The following GPC6 variants were observed in gnomAD, a reference collection of about 807,000 sequenced individuals.
GPC6 encodes the protein glypican-6.
A neutral mutation model predicts 55.2 loss-of-function variants in GPC6; 14 were observed. The ratio of observed to expected loss-of-function variants is 0.25; its 90% CI spans 0.17 to 0.40. The LOEUF (loss-of-function observed/expected upper bound fraction) is 0.40. GPC6 is among the 10% of genes least tolerant of loss of function. The probability of loss-of-function intolerance (pLI) is 1.00; values close to 1 mark genes in which losing one functional copy is unlikely to be tolerated. For missense variants in GPC6, 641 were observed against 708.5 expected (o/e 0.90, Z 1.08); for synonymous variants, 278 against 259.6 (o/e 1.07, Z -0.68).
intron 4 of GPC6, among the ~76,000 whole-genome samples, chr13:94,079,576 C>T (rs972754747): frequency 6.6e-6 from 1 of 152,104 alleles, no homozygotes; most frequent in Non-Finnish European, 1.5e-5. Flanking sequence ...AATGTTTCTG[C>T]GAGGTTGCTT....
intron 2 of GPC6, among the ~76,000 whole-genome samples, chr13:93,721,323 T>A (rs1433414083): frequency 6.6e-6 from 1 of 151,898 alleles, no homozygotes; most frequent in African/African-American, 2.4e-5. Flanking sequence ...TTTGGCTTTT[T>A]TGATCTTGTT....
At chr13:93,765,242 A>AGACAACTTTCCAGATAAGCTGTCTGGAAC (rs2138882946) in intron 2 of GPC6, among the ~76,000 whole-genome samples, 3 of 78,552 alleles carry the variant, frequency 3.8e-5, no homozygotes, top group East Asian at 2.5e-4. Flanking sequence ...TTGTCTGGAA[A>AGACAACTTTCCAGATAAGCTGTCTGGAAC]GACAACTTTC....
intron 1 of GPC6, among the ~76,000 whole-genome samples, chr13:93,349,092 T>C (rs961112573): frequency 3.3e-5 from 5 of 152,194 alleles, no homozygotes; most frequent in Admixed American, 2.6e-4. Context: ...ATATTCTGGG[T>C]ATCAACATAA....
At chr13:94,244,671 G>C (rs1891147713) in intron 4 of GPC6, among the ~76,000 whole-genome samples, 1 of 151,994 alleles carries the variant, frequency 6.6e-6, no homozygotes, top group Admixed American at 6.6e-5. Flanking sequence ...TGAGAGATGA[G>C]AATAAAAGAT....
intron 1 of GPC6, among the ~76,000 whole-genome samples, chr13:93,292,230 C>A (rs966314520): frequency 2.2e-4 from 34 of 152,186 alleles, no homozygotes; most frequent in Middle Eastern, 3.4e-3. Context: ...ATGTCACGTG[C>A]CCTTAAAATG....
intron 2 of GPC6, among the ~76,000 whole-genome samples, chr13:93,598,012 T>C (rs1403412522): frequency 2.6e-5 from 4 of 152,002 alleles, no homozygotes; most frequent in South Asian, 2.1e-4. Flanking sequence ...GGTGCGGTGT[T>C]GCACACCTGT....
chr13:93,841,356 G>T (rs1175350298), intron 3 of GPC6, among the ~76,000 whole-genome samples: 1 of 152,118 alleles, frequency 6.6e-6, no homozygotes, highest in African/African-American at 2.4e-5. Context: ...AAAGAGGGGG[G>T]TATGTTATTA....
intron 1 of GPC6, among the ~76,000 whole-genome samples, chr13:93,281,392 GA>G (rs1199359161): frequency 1.3e-5 from 2 of 152,120 alleles, no homozygotes; most frequent in Non-Finnish European, 2.9e-5. Context: ...TTAAAGCATT[GA>G]AAGAAGAATA....
chr13:93,854,065 G>A (rs1289543276), intron 3 of GPC6, among the ~76,000 whole-genome samples: 1 of 151,554 alleles, frequency 6.6e-6, no homozygotes, highest in African/African-American at 2.4e-5. Context: ...AGAAAATAAA[G>A]AGGAAATCAT....
chr13:93,716,804 T>G (rs1417332686), intron 2 of GPC6, among the ~76,000 whole-genome samples: 3 of 151,676 alleles, frequency 2.0e-5, no homozygotes, highest in Non-Finnish European at 3.0e-5. Context: ...AATCACTGAC[T>G]CACCAAATCA....
At chr13:93,419,477 C>A (rs779710081) in intron 1 of GPC6, among the ~76,000 whole-genome samples, 23 of 151,986 alleles carry the variant, frequency 1.5e-4, no homozygotes, top group Non-Finnish European at 2.9e-4. Context: ...GTTTGGAAAC[C>A]ATTTAGAAAT....
intron 1 of GPC6, among the ~76,000 whole-genome samples, chr13:93,246,634 A>G (rs562059118): frequency 2.6e-5 from 4 of 151,946 alleles, no homozygotes; most frequent in African/African-American, 9.6e-5. Context: ...CGTCTCTACT[A>G]AAAATACAAA....
chr13:93,563,415 T>A (rs1403720746), intron 2 of GPC6, among the ~76,000 whole-genome samples: 3 of 151,868 alleles, frequency 2.0e-5, no homozygotes, highest in African/African-American at 7.3e-5. Flanking sequence ...GCACTGGAGA[T>A]GCAGACAAAA....
chr13:93,888,575 A>C (rs1875479353), intron 3 of GPC6, among the ~76,000 whole-genome samples: 1 of 152,158 alleles, frequency 6.6e-6, no homozygotes, highest in African/African-American at 2.4e-5. Flanking sequence ...TGATAATTAG[A>C]CTACCTTGCT....
chr13:93,681,769 T>C (rs931306636), intron 2 of GPC6, among the ~76,000 whole-genome samples: 1 of 152,190 alleles, frequency 6.6e-6, no homozygotes, highest in African/African-American at 2.4e-5. Context: ...CAGAGAAATG[T>C]CTAAATTTTC....
intron 3 of GPC6, among the ~76,000 whole-genome samples, chr13:93,979,557 C>A (rs1403075106): frequency 1.3e-5 from 2 of 151,734 alleles, no homozygotes; most frequent in African/African-American, 4.8e-5. Context: ...TAGTCCATGA[C>A]AAATTAAGTA....
chr13:93,480,549 G>A (rs1002561946), intron 1 of GPC6, among the ~76,000 whole-genome samples: 1 of 152,098 alleles, frequency 6.6e-6, no homozygotes, highest in Non-Finnish European at 1.5e-5. Flanking sequence ...CAGTACTGTG[G>A]TTTTAATATA....
intron 6 of GPC6, among the ~76,000 whole-genome samples, chr13:94,325,140 G>C (rs1877047697): frequency 6.6e-6 from 1 of 152,112 alleles, no homozygotes; most frequent in South Asian, 2.1e-4. Context: ...AAAAGGGAAG[G>C]AAGGGAGGAG....
At chr13:93,398,306 A>C (rs1170000797) in intron 1 of GPC6, among the ~76,000 whole-genome samples, 1 of 152,182 alleles carries the variant, frequency 6.6e-6, no homozygotes, top group Non-Finnish European at 1.5e-5. Context: ...AAGGAGTCAC[A>C]TTTGGATCTG....
Sources: gnomAD v4.1 joint callset for allele counts (sites outside exome capture counted in the v4.1 genomes callset) on GRCh38, gnomAD v4.1.1 for gene constraint, MANE v1.5 for transcripts, NCBI Gene and HGNC (gene_info 2026-07-23, HGNC 2026-07-21) for gene names.